CLVS1: variants seen among roughly 807,000 people sequenced by gnomAD.
The protein encoded by CLVS1 is clavesin 1.
A neutral mutation model predicts 33.1 loss-of-function variants in CLVS1; 10 were observed. The ratio of observed to expected loss-of-function variants is 0.30; its 90% CI spans 0.19 to 0.51. The LOEUF is 0.51. CLVS1 is among the 20% of genes least tolerant of loss of function. The pLI is 0.97. For synonymous variants in CLVS1, 163 were observed against 166.1 expected, an observed-to-expected ratio of 0.98 and a Z score of 0.14; for missense variants, 343 against 433.4, an observed-to-expected ratio of 0.79 and a Z score of 1.85.
At chr8:61,393,276 T>C (rs1410774616) in intron 3 of CLVS1, among the ~76,000 whole-genome samples, 1 of 152,172 alleles carries the variant, frequency 6.6e-6, no homozygotes, top group Non-Finnish European at 1.5e-5. Context: ...TTATTATATA[T>C]ATTTCTTCGA....
At chr8:60,992,064 G>T in the CLVS1 span, among the ~76,000 whole-genome samples, 1 of 152,076 alleles carries the variant, frequency 6.6e-6, no homozygotes, top group Non-Finnish European at 1.5e-5. Context: ...TGCTTCTTTA[G>T]GTTCCTGTTG....
intron 3 of CLVS1, among the ~76,000 whole-genome samples, chr8:61,396,923 T>A (rs1166001546): frequency 6.6e-5 from 10 of 152,200 alleles, no homozygotes; most frequent in Admixed American, 6.5e-4. Context: ...CAAACTTTTT[T>A]ATTCATTTGT....
At chr8:60,996,916 G>A in the CLVS1 span, among the ~76,000 whole-genome samples, 1 of 151,964 alleles carries the variant, frequency 6.6e-6, no homozygotes, top group South Asian at 2.1e-4. Flanking sequence ...GAGGCAAGAG[G>A]CCTCAGCTAA....
At chr8:61,052,922 A>G (rs575401140), upstream of CLVS1, among the ~76,000 whole-genome samples, 54 of 152,164 alleles carry the variant, frequency 3.5e-4, no homozygotes, top group Non-Finnish European at 6.6e-4. Context: ...CAGATGAGAC[A>G]TTACACGACT....
the CLVS1 span, among the ~76,000 whole-genome samples, chr8:61,000,984 A>G: frequency 6.6e-6 from 1 of 152,088 alleles, no homozygotes; most frequent in Non-Finnish European, 1.5e-5. Context: ...ACACCTTTCA[A>G]TGGACTTTCT....
chr8:61,402,461 G>T (rs1814809023), intron 3 of CLVS1, among the ~76,000 whole-genome samples: 1 of 151,956 alleles, frequency 6.6e-6, no homozygotes, highest in Non-Finnish European at 1.5e-5. Context: ...TAAGTAATCA[G>T]CCAGGTTCAC....
At chr8:61,100,755 C>A (rs547400135) in intron 1 of CLVS1, among the ~76,000 whole-genome samples, 1 of 152,312 alleles carries the variant, frequency 6.6e-6, no homozygotes, top group South Asian at 2.1e-4. Flanking sequence ...CCCTCTCCCA[C>A]AACCCTAGGG....
At chr8:61,177,124 C>A (rs1585664963) in intron 2 of CLVS1, among the ~76,000 whole-genome samples, 1 of 152,186 alleles carries the variant, frequency 6.6e-6, no homozygotes, top group South Asian at 2.1e-4. Context: ...TTCTATGGCT[C>A]CAGGCAACAC....
At chr8:61,343,953 G>A (rs1417123637) in intron 2 of CLVS1, among the ~76,000 whole-genome samples, 2 of 152,170 alleles carry the variant, frequency 1.3e-5, no homozygotes, top group Non-Finnish European at 2.9e-5. Flanking sequence ...AAAGGAGTTT[G>A]TTGAACATGA....
At chr8:61,166,008 T>G (rs1180620155) in intron 2 of CLVS1, among the ~76,000 whole-genome samples, 1 of 145,010 alleles carries the variant, frequency 6.9e-6, no homozygotes, top group Admixed American at 6.9e-5. Flanking sequence ...GGGTTACATA[T>G]TTTTGTGGCT....
intron 1 of CLVS1, among the ~76,000 whole-genome samples, chr8:61,068,611 A>T (rs1804730238): frequency 6.6e-6 from 1 of 152,204 alleles, no homozygotes; most frequent in Non-Finnish European, 1.5e-5. Flanking sequence ...TCATCTCATG[A>T]GTCATTGGGG....
intron 1 of CLVS1, among the ~76,000 whole-genome samples, chr8:61,069,438 CCCTT>C (rs1804750251): frequency 2.0e-5 from 3 of 151,890 alleles, no homozygotes; most frequent in Admixed American, 2.0e-4. Flanking sequence ...CCTCTGTTTT[CCCTT>C]CCTTCCTTTT....
At chr8:61,454,061 C>T in intron 3 of CLVS1, 80 bp from the exon 4 acceptor site, 2 of 962,792 alleles carry the variant, frequency 2.1e-6, no homozygotes, top group South Asian at 1.3e-5. Flanking sequence ...ACAGGTTGTT[C>T]TTTGGGGCAT....
chr8:61,433,562 T>C (rs1816194093), intron 3 of CLVS1, among the ~76,000 whole-genome samples: 1 of 152,162 alleles, frequency 6.6e-6, no homozygotes, highest in Non-Finnish European at 1.5e-5. Context: ...ATTATAATTA[T>C]CTTCAATAAC....
chr8:61,400,898 G>C (rs1814722253), intron 3 of CLVS1, among the ~76,000 whole-genome samples: 1 of 152,146 alleles, frequency 6.6e-6, no homozygotes, highest in Admixed American at 6.5e-5. Flanking sequence ...GATTGTGGTA[G>C]ATAAGCTTTT....
chr8:61,117,852 G>C (rs1269679666), intron 1 of CLVS1, among the ~76,000 whole-genome samples: 1 of 148,056 alleles, frequency 6.8e-6, no homozygotes, highest in Non-Finnish European at 1.5e-5. Context: ...TTGTGTCTCT[G>C]CCTGGCTTTG....
chr8:61,020,224 C>T, the CLVS1 span, among the ~76,000 whole-genome samples: 5 of 152,162 alleles, frequency 3.3e-5, no homozygotes, highest in South Asian at 2.1e-4. Context: ...TTGGGGGAAA[C>T]GAAAGAGAGA....
chr8:61,309,644 C>G (rs561658391), intron 2 of CLVS1, among the ~76,000 whole-genome samples: 51 of 152,326 alleles, frequency 3.3e-4, no homozygotes, highest in African/African-American at 1.2e-3. Flanking sequence ...TGTTTCTTGT[C>G]CCCTCACGCC....
At chr8:61,103,180 C>G (rs1805481116) in intron 1 of CLVS1, among the ~76,000 whole-genome samples, 1 of 152,138 alleles carries the variant, frequency 6.6e-6, no homozygotes, top group African/African-American at 2.4e-5. Context: ...TGACTTTGAG[C>G]CAGGACTGGG....
Sources: gnomAD v4.1 joint callset for allele counts (sites outside exome capture counted in the v4.1 genomes callset) on GRCh38, gnomAD v4.1.1 for gene constraint, MANE v1.5 for transcripts, NCBI Gene and HGNC (gene_info 2026-07-23, HGNC 2026-07-21) for gene names.